Variants in ARHGAP21 observed in about 807,000 individuals in gnomAD.
ARHGAP21 encodes Rho GTPase activating protein 21.
ARHGAP21 carries 38 observed loss-of-function variants against 164.6 expected under a neutral mutation model. The ratio of observed to expected loss-of-function variants is 0.23; its 90% CI spans 0.18 to 0.30. ARHGAP21 has a LOEUF of 0.30. Ranked by LOEUF, ARHGAP21 falls within the 10% of genes least tolerant of loss-of-function variation. The probability of loss-of-function intolerance (pLI) is 1.00; values close to 1 mark genes in which losing one functional copy is unlikely to be tolerated. For missense variants in ARHGAP21, 1,822 were observed against 2,370.7 expected (o/e 0.77, Z 4.81); for synonymous variants, 766 against 857.9 (o/e 0.89, Z 1.87).
At chr10:24,703,926 GTATTTTGCTTAGATCTCAC>G (rs1301362972) in intron 2 of ARHGAP21, among the ~76,000 whole-genome samples, 2 of 152,216 alleles carry the variant, frequency 1.3e-5, no homozygotes. Context: ...GTCAGCAGAT[GTATTTTGCTTAGATCTCAC>G]TATTTTGAAA....
chr10:24,683,256 C>T (rs1369444246), intron 2 of ARHGAP21, among the ~76,000 whole-genome samples: 1 of 152,074 alleles, frequency 6.6e-6, no homozygotes, highest in Admixed American at 6.5e-5. Flanking sequence ...TCATTATTTA[C>T]TTGGACATTC....
chr10:24,703,812 T>C (rs1012371880), intron 2 of ARHGAP21, among the ~76,000 whole-genome samples: 1 of 152,160 alleles, frequency 6.6e-6, no homozygotes, highest in Non-Finnish European at 1.5e-5. Context: ...GCAGCATCCT[T>C]GATTACTGCT....
At chr10:24,698,491 T>C (rs537413584) in intron 2 of ARHGAP21, among the ~76,000 whole-genome samples, 8 of 152,280 alleles carry the variant, frequency 5.3e-5, no homozygotes, top group African/African-American at 1.9e-4. Context: ...CAAGTCCAAC[T>C]CTCATCAAGA....
At chr10:24,719,099 A>C (rs1845670083) in intron 2 of ARHGAP21, among the ~76,000 whole-genome samples, 2 of 4,994 alleles carry the variant, frequency 4.0e-4, no homozygotes, top group African/African-American at 4.4e-3. Flanking sequence ...TTCACGGACT[A>C]CACACACACA....
At chr10:24,678,685 G>A (rs1320777835) in intron 2 of ARHGAP21, among the ~76,000 whole-genome samples, 4 of 151,780 alleles carry the variant, frequency 2.6e-5, no homozygotes, top group African/African-American at 7.3e-5. Flanking sequence ...TTGTTTTGAG[G>A]GTTTTTGTTT....
chr10:24,721,627 A>G (rs1346750651), intron 2 of ARHGAP21, among the ~76,000 whole-genome samples: 1 of 152,218 alleles, frequency 6.6e-6, no homozygotes, highest in Non-Finnish European at 1.5e-5. Flanking sequence ...ACTGCGGGAC[A>G]TGTTCTTGCA....
intron 4 of ARHGAP21, among the ~76,000 whole-genome samples, chr10:24,636,554 T>C (rs1368052928): frequency 6.6e-6 from 1 of 152,144 alleles, no homozygotes; most frequent in African/African-American, 2.4e-5. Context: ...GGGCAAAAAA[T>C]GATTGAGTGT....
intron 21 of ARHGAP21, among the ~76,000 whole-genome samples, chr10:24,593,267 CTA>C (rs10551490): frequency 0.013 from 2,019 of 152,242 alleles, 49 homozygotes; most frequent in African/African-American, 0.046. Context: ...TAGAAAGAAA[CTA>C]TGTGTGGGAA....
chr10:24,681,965 G>A (rs1005802217), intron 2 of ARHGAP21, among the ~76,000 whole-genome samples: 1 of 151,910 alleles, frequency 6.6e-6, no homozygotes, highest in East Asian at 1.9e-4. Flanking sequence ...GTTGTGGCTC[G>A]TGGACAAGCT....
At chr10:24,637,247 TA>T (rs1286467976) in intron 4 of ARHGAP21, among the ~76,000 whole-genome samples, 1 of 152,216 alleles carries the variant, frequency 6.6e-6, no homozygotes, top group Non-Finnish European at 1.5e-5. Flanking sequence ...GCAATTAATT[TA>T]AAAGGAAAAA....
At chr10:24,700,552 T>G (rs944318302) in intron 2 of ARHGAP21, among the ~76,000 whole-genome samples, 4 of 152,160 alleles carry the variant, frequency 2.6e-5, no homozygotes, top group Admixed American at 1.3e-4. Context: ...CAATGAAATA[T>G]AAAACATGAA....
intron 5 of ARHGAP21, among the ~76,000 whole-genome samples, chr10:24,634,717 T>C (rs1347016856): frequency 2.0e-5 from 3 of 152,248 alleles, no homozygotes; most frequent in Non-Finnish European, 4.4e-5. Flanking sequence ...TAATCCTTTG[T>C]CAAAATTCAA....
intron 4 of ARHGAP21, among the ~76,000 whole-genome samples, chr10:24,654,470 C>T (rs971997369): frequency 1.3e-5 from 2 of 152,152 alleles, no homozygotes; most frequent in African/African-American, 4.8e-5. Flanking sequence ...ACAAGCATTC[C>T]TATACACCAA....
chr10:24,584,368 G>T lies in ARHGAP21; in HGVS notation c.*44C>A, dbSNP rs1266458879. The stretch of plus-strand genomic sequence containing the variant: ...AATATTGACAGAGTTACTGGAACGT[G>T]TAACAGTAGTTTTTTTACTTGCTAG... On this transcript the variant is annotated 3_prime_UTR_variant, in exon 26 of 26. Transcript: ENST00000396432. 1.1e-5 allele frequency: 17 copies of T among 1,524,548 alleles called. No homozygotes were observed. Among genetic ancestry groups the T allele is most frequent in the Middle Eastern group, 1.9e-4 (1 of 5,166 alleles). 94.4% of individuals were successfully genotyped at this position (1,524,548 alleles called of 1,614,324 possible). A position where few individuals can be genotyped will look rare whatever the true frequency, so the allele number is the denominator to read the frequency against.
At chr10:24,702,016 C>A (rs1226539699) in intron 2 of ARHGAP21, among the ~76,000 whole-genome samples, 1 of 151,666 alleles carries the variant, frequency 6.6e-6, no homozygotes, top group Admixed American at 6.6e-5. Flanking sequence ...TGCACAACTT[C>A]TTGTATCTGG....
chr10:24,718,105 G>A (rs1266627335), intron 2 of ARHGAP21, among the ~76,000 whole-genome samples: 1 of 152,180 alleles, frequency 6.6e-6, no homozygotes, highest in East Asian at 1.9e-4. Flanking sequence ...GAACTCAGGT[G>A]GGGGTAGTGG....
intron 17 of ARHGAP21, 37 bp downstream of exon 17, chr10:24,596,703 A>ATGACT: frequency 6.2e-7 from 1 of 1,612,890 alleles, no homozygotes; most frequent in South Asian, 1.1e-5. Context: ...AACTGAATTA[A>ATGACT]TGACTTGAGG....
At chr10:24,653,247 G>A (rs1180066307) in intron 4 of ARHGAP21, among the ~76,000 whole-genome samples, 2 of 152,170 alleles carry the variant, frequency 1.3e-5, no homozygotes, top group African/African-American at 4.8e-5. Context: ...CCACAGACCT[G>A]TTTAGAAGAG....
chr10:24,712,378 A>G (rs781406328), intron 2 of ARHGAP21, among the ~76,000 whole-genome samples: 2 of 152,212 alleles, frequency 1.3e-5, no homozygotes, highest in Non-Finnish European at 2.9e-5. Context: ...TGGTCCTTCA[A>G]TATTCATGGG....
Sources: gnomAD v4.1 joint callset for allele counts (sites outside exome capture counted in the v4.1 genomes callset) on GRCh38, gnomAD v4.1.1 for gene constraint, MANE v1.5 for transcripts, NCBI Gene and HGNC (gene_info 2026-07-23, HGNC 2026-07-21) for gene names.